CNTN3: variants seen among roughly 807,000 people sequenced by gnomAD.
The protein encoded by CNTN3 is contactin-3.
A neutral mutation model predicts 119.1 loss-of-function variants in CNTN3; 60 were observed. The observed-to-expected ratio is 0.50, with a 90% CI of 0.41 to 0.62. The LOEUF (loss-of-function observed/expected upper bound fraction) is 0.62, where lower values mean the gene tolerates loss of function less well. Ranked by LOEUF, CNTN3 falls within the 20% of genes least tolerant of loss-of-function variation. CNTN3 has a pLI of 0.00. For synonymous variants in CNTN3, 450 were observed against 438.7 expected (o/e 1.03, Z -0.32); for missense variants, 1,101 against 1,242.4 (o/e 0.89, Z 1.71).
intron 5 of CNTN3, among the ~76,000 whole-genome samples, chr3:74,412,785 A>T (rs1701460649): frequency 6.6e-6 from 1 of 152,184 alleles, no homozygotes; most frequent in Non-Finnish European, 1.5e-5. Context: ...ACTGGAGCTG[A>T]GTAGCCCATG....
At chr3:74,357,754 G>A (rs1028175490) in intron 11 of CNTN3, among the ~76,000 whole-genome samples, 1 of 151,778 alleles carries the variant, frequency 6.6e-6, no homozygotes, top group Non-Finnish European at 1.5e-5. Flanking sequence ...CTTATTCGCC[G>A]ACAAGTCCAA....
intron 16 of CNTN3, among the ~76,000 whole-genome samples, 175 bp from the exon 17 acceptor site, chr3:74,300,113 TGA>T (rs1702423826): frequency 6.6e-6 from 1 of 152,228 alleles, no homozygotes; most frequent in Admixed American, 6.5e-5. Context: ...TATATTTTTA[TGA>T]GATCATCAAA....
In CNTN3 at chr3:74,364,288, T is replaced by C. The variant is rs952639880; in HGVS notation, c.1213+179A>G. ...TCCTCAATTCTGGCCATAATTGCTG[T>C]TTTTCCTTAGAAACTGTTAAAAGGT... is the stretch of plus-strand genomic sequence containing the variant. On this transcript the variant is annotated intron_variant, in intron 10 of 22. Transcript: ENST00000263665. Among the ~76,000 whole-genome samples the C allele has an allele frequency of 5.9e-5, 9 of 152,246 alleles. 1 individual carries two copies. In the South Asian group the frequency reaches 1.5e-3, roughly 25 times the overall value.
At chr3:74,318,047 T>A (rs1247355654) in intron 13 of CNTN3, among the ~76,000 whole-genome samples, 1 of 152,200 alleles carries the variant, frequency 6.6e-6, no homozygotes, top group Admixed American at 6.5e-5. Flanking sequence ...CTTTCTATTC[T>A]TTTTTCTCTA....
intron 1 of CNTN3, among the ~76,000 whole-genome samples, chr3:74,538,281 GA>G (rs1481434860): frequency 6.6e-6 from 1 of 152,038 alleles, no homozygotes; most frequent in African/African-American, 2.4e-5. Context: ...AACTGTTTGT[GA>G]AACACTTTGT....
intron 20 of CNTN3, among the ~76,000 whole-genome samples, chr3:74,278,282 T>C (rs1470411525): frequency 6.6e-6 from 1 of 151,598 alleles, no homozygotes; most frequent in Non-Finnish European, 1.5e-5. Context: ...TCATATAGAA[T>C]CAAAAAAGAG....
intron 20 of CNTN3, among the ~76,000 whole-genome samples, chr3:74,268,979 G>C (rs943556346): frequency 1.3e-5 from 2 of 149,454 alleles, no homozygotes; most frequent in Admixed American, 6.7e-5. Context: ...GGTTTATCTT[G>C]TATGAGTCAC....
intron 12 of CNTN3, among the ~76,000 whole-genome samples, chr3:74,335,193 T>G (rs1332284168): frequency 6.6e-6 from 1 of 152,192 alleles, no homozygotes; most frequent in Non-Finnish European, 1.5e-5. Flanking sequence ...AGTTATATTA[T>G]TATTAACAAA....
chr3:74,583,640 A>G (rs1028632718), intron 1 of CNTN3, among the ~76,000 whole-genome samples: 5 of 152,182 alleles, frequency 3.3e-5, no homozygotes, highest in East Asian at 1.9e-4. Flanking sequence ...ATACCTTTCT[A>G]TGGGTACCTG....
intron 5 of CNTN3, 34 bp downstream of exon 5, chr3:74,424,811 T>G: frequency 1.3e-6 from 2 of 1,578,484 alleles, no homozygotes; most frequent in Non-Finnish European, 8.7e-7. Flanking sequence ...TGAACCTTAA[T>G]AAATATGAAA....
intron 1 of CNTN3, among the ~76,000 whole-genome samples, chr3:74,610,550 C>T (rs1024187660): frequency 3.3e-5 from 5 of 152,052 alleles, no homozygotes; most frequent in African/African-American, 1.2e-4. Context: ...TGTTTAAATC[C>T]CACACAGCCT....
intron 1 of CNTN3, among the ~76,000 whole-genome samples, chr3:74,522,624 T>A (rs2107124341): frequency 6.6e-6 from 1 of 151,828 alleles, no homozygotes; most frequent in East Asian, 2.0e-4. Context: ...TGACTGGAAG[T>A]CCAGTTCCTA....
At chr3:74,548,991 T>C (rs1438491453) in intron 1 of CNTN3, among the ~76,000 whole-genome samples, 1 of 152,180 alleles carries the variant, frequency 6.6e-6, no homozygotes, top group Non-Finnish European at 1.5e-5. Flanking sequence ...ATGGACATTC[T>C]ACAGAATATC....
At chr3:74,611,744 T>C (rs1374932001) in intron 1 of CNTN3, among the ~76,000 whole-genome samples, 1 of 152,208 alleles carries the variant, frequency 6.6e-6, no homozygotes, top group Non-Finnish European at 1.5e-5. Context: ...GTTAAAAGTA[T>C]ATGCATATGC....
chr3:74,281,930 CT>C (rs1346942298), intron 20 of CNTN3, among the ~76,000 whole-genome samples: 1 of 152,186 alleles, frequency 6.6e-6, no homozygotes, highest in African/African-American at 2.4e-5. Flanking sequence ...AGAATCACCA[CT>C]TGACTTTTTG....
At chr3:74,515,800 C>T (rs951986026) in intron 2 of CNTN3, among the ~76,000 whole-genome samples, 1 of 152,066 alleles carries the variant, frequency 6.6e-6, no homozygotes, top group Non-Finnish European at 1.5e-5. Flanking sequence ...TTCCTTTCAG[C>T]AACCCAACCT....
At chr3:74,411,356 A>C (rs1389519708) in intron 5 of CNTN3, among the ~76,000 whole-genome samples, 1 of 152,108 alleles carries the variant, frequency 6.6e-6, no homozygotes, top group Admixed American at 6.6e-5. Flanking sequence ...CCTATCTTTA[A>C]GCTAGGTCAG....
At chr3:74,486,697 TA>T in intron 3 of CNTN3, 66 bp from the exon 4 acceptor site, 1 of 1,306,290 alleles carries the variant, frequency 7.7e-7, no homozygotes, top group South Asian at 1.6e-5. Context: ...CTCTCCATTA[TA>T]AAATCTACTT....
intron 20 of CNTN3, among the ~76,000 whole-genome samples, chr3:74,275,276 C>T (rs920593895): frequency 1.3e-5 from 2 of 152,118 alleles, no homozygotes; most frequent in South Asian, 2.1e-4. Context: ...ACCTAGATAT[C>T]CAAATACAAG....
Sources: gnomAD v4.1 joint callset for allele counts (sites outside exome capture counted in the v4.1 genomes callset) on GRCh38, gnomAD v4.1.1 for gene constraint, MANE v1.5 for transcripts, NCBI Gene and HGNC (gene_info 2026-07-23, HGNC 2026-07-21) for gene names.